The following KSR2 variants were observed in gnomAD, a reference collection of about 807,000 sequenced individuals.
KSR2 encodes kinase suppressor of ras 2.
Under a neutral mutation model 107.8 loss-of-function variants are expected in KSR2, and 25 were observed. The ratio of observed to expected loss-of-function variants is 0.23; its 90% CI spans 0.17 to 0.32. The LOEUF (loss-of-function observed/expected upper bound fraction) is 0.32, where lower values mean the gene tolerates loss of function less well. KSR2 is among the 10% of genes least tolerant of loss of function. The probability of loss-of-function intolerance (pLI) is 1.00; values close to 1 mark genes in which losing one functional copy is unlikely to be tolerated. For missense variants in KSR2, 887 were observed against 1,268.9 expected (o/e 0.70, Z 4.57); for synonymous variants, 480 against 507.0 (o/e 0.95, Z 0.71).
intron 8 of KSR2, among the ~76,000 whole-genome samples, chr12:117,557,193 C>T (rs866983613): frequency 3.3e-5 from 5 of 152,112 alleles, no homozygotes; most frequent in Admixed American, 3.3e-4. Context: ...AAAAAATAAG[C>T]ATATGGCACA....
chr12:117,554,279 G>A (rs1479067510), intron 9 of KSR2, among the ~76,000 whole-genome samples: 2 of 152,066 alleles, frequency 1.3e-5, no homozygotes, highest in Admixed American at 6.6e-5. Context: ...TGCACAGAGG[G>A]GCCCACTGCT....
Position 117,458,455 on chromosome 12 carries a change from A to T in KSR2, c.*8744T>A, listed in dbSNP as rs751884539. Reference sequence around the variant, plus strand: ...GAAAAACTAAGATTTGTTTTTAATCATTAGACTTTCAAATTTAAGAAGGCG... The same window carrying T: ...GAAAAACTAAGATTTGTTTTTAATCTTTAGACTTTCAAATTTAAGAAGGCG... On this transcript the variant is annotated 3_prime_UTR_variant, in exon 20 of 20. Transcript: ENST00000339824. 6.6e-6 allele frequency: 1 copy of T among 151,814 alleles called. No homozygotes were observed. Among genetic ancestry groups the T allele is most frequent in the African/African-American group, 2.4e-5 (1 of 41,270 alleles). 9.4% of individuals were successfully genotyped at this position (151,814 alleles called of 1,614,324 possible).
chr12:117,716,736 A>G (rs867526781), intron 4 of KSR2, among the ~76,000 whole-genome samples: 6 of 152,306 alleles, frequency 3.9e-5, no homozygotes, highest in Middle Eastern at 6.8e-3. Context: ...ATTAACCTCA[A>G]TAAGTCTCAG....
At chr12:117,548,698 T>A (rs1157235012) in intron 9 of KSR2, among the ~76,000 whole-genome samples, 2 of 152,146 alleles carry the variant, frequency 1.3e-5, no homozygotes, top group Non-Finnish European at 2.9e-5. Context: ...TATGGAAAAG[T>A]ACAATTACTC....
chr12:117,582,305 T>G lies in KSR2; in HGVS notation c.1226A>C (p.Asn409Thr). 2 of 1,613,682 alleles carry G rather than the reference T, an allele frequency of 1.2e-6. No individual in the cohort carries two copies. Among genetic ancestry groups the G allele is most frequent in the Non-Finnish European group, 1.7e-6 (2 of 1,179,776 alleles). ...TCCAGCCTACCTGTGCTTGATGGAG[T>G]TGCCGAGATCTCTGCGAGGGATCTG... ...SPQIPRRDLG[N>T]SIKHRFSTKY... Residue 409 changes from asparagine (N) to threonine (T), a missense_variant, in exon 6 of 20, where the codon AAC becomes ACC. By Grantham distance (65) the Asn-to-Thr change is moderately conservative. This residue lies in a region of KSR2 where 399 missense variants were observed against 479.5 expected (regional missense o/e 0.83). Coordinates refer to ENST00000339824, the MANE Select transcript of KSR2 (RefSeq NM_173598.6).
chr12:117,869,123 G>A (rs1298179762), intron 1 of KSR2, among the ~76,000 whole-genome samples: 1 of 151,000 alleles, frequency 6.6e-6, no homozygotes. Flanking sequence ...TGTAATCCCA[G>A]CACTTTGGGA....
intron 5 of KSR2, among the ~76,000 whole-genome samples, chr12:117,583,960 A>G (rs184333730): frequency 6.6e-6 from 1 of 152,286 alleles, no homozygotes; most frequent in Admixed American, 6.5e-5. Context: ...GGCATGTCAG[A>G]ACCTATCACA....
At chr12:117,831,393 G>C (rs1891959023) in intron 3 of KSR2, among the ~76,000 whole-genome samples, 1 of 152,140 alleles carries the variant, frequency 6.6e-6, no homozygotes, top group Non-Finnish European at 1.5e-5. Flanking sequence ...CCTCTTCTTT[G>C]CCTCTTTGAG....
In KSR2 at chr12:117,453,179, T is replaced by C. The variant is rs1289506614; in HGVS notation, c.*14020A>G. On this transcript the variant is annotated 3_prime_UTR_variant, in exon 20 of 20. Transcript: ENST00000339824. ...ACACAAACTGTCCAACAGCCCAAGTTAGAAATACTTTTTTTAGAAGTGTAG... is the reference window on the plus strand; with the variant it reads ...ACACAAACTGTCCAACAGCCCAAGTCAGAAATACTTTTTTTAGAAGTGTAG... 5 of 152,500 alleles carry C rather than the reference T, an allele frequency of 3.3e-5. No individual in the cohort carries two copies. Among genetic ancestry groups the C allele is most frequent in the African/African-American group, 1.2e-4 (5 of 41,450 alleles). 9.4% of individuals were successfully genotyped at this position (152,500 alleles called of 1,614,324 possible). A position where few individuals can be genotyped will look rare whatever the true frequency, so the allele number is the denominator to read the frequency against.
chr12:117,639,560 C>T (rs1207271441), intron 5 of KSR2, among the ~76,000 whole-genome samples: 1 of 150,500 alleles, frequency 6.6e-6, no homozygotes, highest in Non-Finnish European at 1.5e-5. Context: ...AAACTCCTGA[C>T]TTCAAGGACT....
intron 1 of KSR2, among the ~76,000 whole-genome samples, chr12:117,963,886 T>A (rs962076167): frequency 3.3e-5 from 5 of 152,202 alleles, no homozygotes; most frequent in African/African-American, 1.2e-4. Context: ...TGCTGCAATC[T>A]AAACCCTCCT....
intron 5 of KSR2, among the ~76,000 whole-genome samples, chr12:117,620,386 C>T (rs1593059272): frequency 6.6e-6 from 1 of 152,176 alleles, no homozygotes; most frequent in East Asian, 1.9e-4. Context: ...GTTCCTGCTT[C>T]TATCTCAATT....
chr12:117,779,369 C>T (rs1321498181), intron 3 of KSR2, among the ~76,000 whole-genome samples: 3 of 152,194 alleles, frequency 2.0e-5, no homozygotes, highest in Non-Finnish European at 4.4e-5. Context: ...AGCTCCACTA[C>T]TTACTAGCTG....
chr12:117,574,444 T>C (rs1243171757), intron 7 of KSR2, among the ~76,000 whole-genome samples: 3 of 152,126 alleles, frequency 2.0e-5, no homozygotes, highest in Admixed American at 6.5e-5. Context: ...CACAGTTCCA[T>C]GTGGCTGGGG....
intron 14 of KSR2, among the ~76,000 whole-genome samples, chr12:117,486,056 C>T (rs888519937): frequency 2.0e-5 from 3 of 152,172 alleles, no homozygotes; most frequent in Non-Finnish European, 4.4e-5. Flanking sequence ...ATTCTGTTGG[C>T]CATTCACACC....
intron 3 of KSR2, among the ~76,000 whole-genome samples, chr12:117,806,960 C>A (rs1891032501): frequency 6.6e-6 from 1 of 152,248 alleles, no homozygotes; most frequent in Non-Finnish European, 1.5e-5. Context: ...GAGTGCCTGT[C>A]CCCGTGCCCG....
At chr12:117,961,572 AG>A (rs138763891) in intron 1 of KSR2, among the ~76,000 whole-genome samples, 18,739 of 152,016 alleles carry the variant, frequency 0.12, 1,212 homozygotes, top group Middle Eastern at 0.15. Context: ...CTTGCTCTCT[AG>A]GAACACTGGA....
chr12:117,793,021 C>G (rs1271795925), intron 3 of KSR2, among the ~76,000 whole-genome samples: 3 of 144,784 alleles, frequency 2.1e-5, no homozygotes, highest in South Asian at 2.3e-4. Flanking sequence ...AGTACGCACT[C>G]TCACATCAAC....
intron 14 of KSR2, among the ~76,000 whole-genome samples, chr12:117,501,038 G>A (rs1054204993): frequency 8.5e-5 from 13 of 152,200 alleles, no homozygotes; most frequent in Admixed American, 1.3e-4. Flanking sequence ...TATGGCCCGC[G>A]GGCCAAAAGT....
Sources: allele counts gnomAD v4.1 joint callset (sites outside exome capture counted in the v4.1 genomes callset), GRCh38; gene constraint gnomAD v4.1.1; regional missense constraint gnomAD v4.1.1; transcripts MANE v1.5; gene names NCBI Gene and HGNC (gene_info 2026-07-23, HGNC 2026-07-21).